Variants in KCNQ1 observed in about 807,000 individuals in gnomAD.
KCNQ1 encodes potassium voltage-gated channel subfamily Q member 1.
KCNQ1 carries 49 observed loss-of-function variants against 72.4 expected under a neutral mutation model. That is an observed-to-expected ratio of 0.68 (90% CI 0.54 to 0.86). The LOEUF is 0.86. Ranked by LOEUF, KCNQ1 falls within the 40% of genes least tolerant of loss-of-function variation. KCNQ1 has a pLI of 0.00. For missense variants in KCNQ1, 790 were observed against 945.1 expected, an observed-to-expected ratio of 0.84 and a Z score of 2.15; for synonymous variants, 450 against 412.6, an observed-to-expected ratio of 1.09 and a Z score of -1.10.
chr11:2,668,394 A>C lies in KCNQ1; in HGVS notation c.1514+6313A>C, dbSNP rs538819305. On this transcript the variant is annotated intron_variant, in intron 11 of 15. Transcript: ENST00000155840. This position sits in a 1 kb window ranked among gnomAD's most constrained non-coding sequence, Gnocchi z 4.3. ...TGAATACTACCCAGCAGTCTACCAA[A>C]GGAGTCATTCCAATTTTCATTCCCA... 5.0e-6 allele frequency: 2 copies of C among 398,620 alleles called. No homozygotes were observed. The highest frequency in any genetic ancestry group is 8.8e-6 in the Non-Finnish European group (2 of 226,068). The allele number at this position is 398,620 out of a possible 1,614,324, so 24.7% of individuals were successfully genotyped here.
At chr11:2,807,662 C>T (rs1471984293) in intron 15 of KCNQ1, among the ~76,000 whole-genome samples, 1 of 151,480 alleles carries the variant, frequency 6.6e-6, no homozygotes, top group Non-Finnish European at 1.5e-5. Flanking sequence ...GCGAGGGGCA[C>T]CCCCACCCCC....
At chr11:2,662,816 G>A (rs769156246) in intron 11 of KCNQ1, 33 of 398,902 alleles carry the variant, frequency 8.3e-5, no homozygotes, top group Middle Eastern at 6.3e-4. Flanking sequence ...AGTGACACTC[G>A]CGGCCCTTCT....
In KCNQ1 at chr11:2,544,905, C is replaced by T. The variant is rs1847884240; in HGVS notation, c.477+16887C>T. 6.6e-6 allele frequency among the ~76,000 whole-genome samples: 1 copy of T among 152,180 alleles called. No homozygotes were observed. The highest frequency in any genetic ancestry group is 1.5e-5 in the Non-Finnish European group (1 of 68,046). On this transcript the variant is annotated intron_variant, in intron 2 of 15. Transcript: ENST00000155840. The surrounding 1 kb of genome is among the most constrained non-coding windows in gnomAD (Gnocchi z 4.4). ...CTTAGAAGACACACATCATTGTTCA[C>T]CGTCAAGGGTGATGTTGGCTCTGGG...
At chr11:2,643,462 A>G in intron 10 of KCNQ1, 1 of 398,450 alleles carries the variant, frequency 2.5e-6, no homozygotes, top group Non-Finnish European at 4.4e-6. Context: ...ATCTGATGAA[A>G]GTATAGCTAC....
At chr11:2,590,552 A>T (rs1402392398) in intron 10 of KCNQ1, among the ~76,000 whole-genome samples, 1 of 152,090 alleles carries the variant, frequency 6.6e-6, no homozygotes, top group Non-Finnish European at 1.5e-5. Flanking sequence ...TGGTGGGGGG[A>T]GCACAGCATT....
At chr11:2,628,969 T>C (rs553698516) in intron 10 of KCNQ1, 1 of 398,386 alleles carries the variant, frequency 2.5e-6, no homozygotes, top group East Asian at 3.6e-5. Flanking sequence ...GTTCCATTGG[T>C]TTATTTCTAT....
chr11:2,699,907 C>T (rs1231229318), intron 11 of KCNQ1: 3 of 397,714 alleles, frequency 7.5e-6, no homozygotes, highest in Non-Finnish European at 8.9e-6. Flanking sequence ...AGAGGCACCC[C>T]GGCAGAATCG....
Position 2,509,851 on chromosome 11 carries a change from T to C in KCNQ1, c.387-18077T>C, listed in dbSNP as rs915273673. ...CTGGCGGGGCCGGCCAATGGTGGCG[T>C]GATGCAGCCTGGCTTGGGAAATGCC... On this transcript the variant is annotated intron_variant, in intron 1 of 15. Coordinates refer to ENST00000155840, the MANE Select transcript of KCNQ1 (RefSeq NM_000218.3). This position sits in a 1 kb window ranked among gnomAD's most constrained non-coding sequence, Gnocchi z 6.3. 1.3e-5 allele frequency among the ~76,000 whole-genome samples: 2 copies of C among 152,130 alleles called. No individual in the cohort carries two copies. The highest frequency in any genetic ancestry group is 4.1e-4 in the South Asian group (2 of 4,830).
rs560519000 is a variant in KCNQ1, at chr11:2,495,530, C to A, written c.387-32398C>A. On this transcript the variant is annotated intron_variant, in intron 1 of 15. Coordinates refer to ENST00000155840, the MANE Select transcript of KCNQ1 (RefSeq NM_000218.3). This position sits in a 1 kb window ranked among gnomAD's most constrained non-coding sequence, Gnocchi z 4.6. Reference sequence around the variant, plus strand: ...TAGCTGTGTCCCAGAAATTCTGGTACGTTGTCTCTTTGTTTTCATTTGTTT... The same window carrying A: ...TAGCTGTGTCCCAGAAATTCTGGTAAGTTGTCTCTTTGTTTTCATTTGTTT... Among the ~76,000 whole-genome samples, 1 of 152,140 alleles carries A rather than the reference C, an allele frequency of 6.6e-6. No individual in the cohort carries two copies. Among genetic ancestry groups the A allele is most frequent in the African/African-American group, 2.4e-5 (1 of 41,426 alleles).
At chr11:2,820,191 T>G (rs1233977679) in intron 15 of KCNQ1, among the ~76,000 whole-genome samples, 1 of 152,228 alleles carries the variant, frequency 6.6e-6, no homozygotes, top group Admixed American at 6.5e-5. Context: ...TCTTTTTTAT[T>G]TTCTAAAATT....
chr11:2,723,700 C>T lies in KCNQ1; in HGVS notation c.1515-45144C>T, dbSNP rs1459304920. 6.6e-6 allele frequency among the ~76,000 whole-genome samples: 1 copy of T among 152,160 alleles called. No homozygotes were observed. The highest frequency in any genetic ancestry group is 2.4e-5 in the African/African-American group (1 of 41,428). On this transcript the variant is annotated intron_variant, in intron 11 of 15. Transcript: ENST00000155840. The surrounding 1 kb of genome is among the most constrained non-coding windows in gnomAD (Gnocchi z 4.2). ...GTCCGAGCTGAGTGGTCTAGGATGG[C>T]CTTGCTCCCGGAGAAGACCCTTGGC...
rs1846108685 is a variant in KCNQ1 at position 2,450,634 on chromosome 11, C to A, written c.386+5150C>A. ...CCTGCGGGCACGTCGGTGAGACCGT[C>A]CTGGCCTCCACACCCCTTCCTGGTG... On this transcript the variant is annotated intron_variant, in intron 1 of 15. Coordinates refer to ENST00000155840, the MANE Select transcript of KCNQ1 (RefSeq NM_000218.3). This position sits in a 1 kb window ranked among gnomAD's most constrained non-coding sequence, Gnocchi z 7.9. Among the ~76,000 whole-genome samples the A allele has an allele frequency of 6.6e-6, 1 of 152,086 alleles. No homozygotes were observed. Among genetic ancestry groups the A allele is most frequent in the African/African-American group, 2.4e-5 (1 of 41,420 alleles).
Position 2,446,772 on chromosome 11 carries a change from T to C in KCNQ1, c.386+1288T>C, listed in dbSNP as rs1329885050. Among the ~76,000 whole-genome samples, 1 of 152,194 alleles carries C rather than the reference T, an allele frequency of 6.6e-6. No homozygotes were observed. The highest frequency in any genetic ancestry group is 2.4e-5 in the African/African-American group (1 of 41,450). The stretch of plus-strand genomic sequence containing the variant: ...CCCCAGCTCCCAAGCCCCTGTCTCC[T>C]GACATGTCAGTGGGTGCCTGAGCCA... On this transcript the variant is annotated intron_variant, in intron 1 of 15. Transcript: ENST00000155840. This position sits in a 1 kb window ranked among gnomAD's most constrained non-coding sequence, Gnocchi z 8.8.
chr11:2,616,041 A>G, intron 10 of KCNQ1: 3 of 398,058 alleles, frequency 7.5e-6, no homozygotes, highest in Non-Finnish European at 1.3e-5. Flanking sequence ...TCTACTTGTT[A>G]TGGGTCTGCT....
At chr11:2,822,806 T>A (rs972685607) in intron 15 of KCNQ1, among the ~76,000 whole-genome samples, 1 of 152,004 alleles carries the variant, frequency 6.6e-6, no homozygotes, top group Non-Finnish European at 1.5e-5. Flanking sequence ...AATGAACAAA[T>A]CTCACCATTG....
chr11:2,807,408 G>C (rs569075003), intron 15 of KCNQ1, among the ~76,000 whole-genome samples: 1 of 152,198 alleles, frequency 6.6e-6, no homozygotes, highest in East Asian at 1.9e-4. Flanking sequence ...CATGGAGAGC[G>C]GGACTGTGCC....
chr11:2,748,598 AG>A lies in KCNQ1; in HGVS notation c.1515-20245del, dbSNP rs1846174449. Among the ~76,000 whole-genome samples the A allele has an allele frequency of 6.6e-6, 1 of 152,176 alleles. No individual in the cohort carries two copies. Among genetic ancestry groups the A allele is most frequent in the African/African-American group, 2.4e-5 (1 of 41,450 alleles). Reference sequence around the variant, plus strand: ...CCCAGCATGAAACTGCAGGTGCAGGAGCCCCAGCCAGCCTGGAATGTGGGGG... The same window carrying A: ...CCCAGCATGAAACTGCAGGTGCAGGACCCCAGCCAGCCTGGAATGTGGGGG... On this transcript the variant is annotated intron_variant, in intron 11 of 15. Coordinates refer to ENST00000155840, the MANE Select transcript of KCNQ1 (RefSeq NM_000218.3). This position sits in a 1 kb window ranked among gnomAD's most constrained non-coding sequence, Gnocchi z 6.2.
chr11:2,527,001 G>A (rs910790460), intron 1 of KCNQ1, among the ~76,000 whole-genome samples: 15 of 152,294 alleles, frequency 9.8e-5, no homozygotes, highest in Middle Eastern at 3.4e-3. Context: ...TCCGGAGCCC[G>A]TGGGAATCCC....
chr11:2,557,823 T>C (rs1848094993), intron 2 of KCNQ1, among the ~76,000 whole-genome samples: 1 of 152,244 alleles, frequency 6.6e-6, no homozygotes, highest in African/African-American at 2.4e-5. Flanking sequence ...GCAAAGAACT[T>C]CATAGGACTG....
Sources: allele counts gnomAD v4.1 joint callset (sites outside exome capture counted in the v4.1 genomes callset), GRCh38; gene constraint gnomAD v4.1.1; non-coding constraint Gnocchi (gnomAD v3.1); transcripts MANE v1.5; gene names NCBI Gene and HGNC (gene_info 2026-07-23, HGNC 2026-07-21).